The following HGSNAT variants were observed in gnomAD, a reference collection of about 807,000 sequenced individuals.
HGSNAT encodes transmembrane protein 76.
In HGSNAT, 59 loss-of-function variants were observed where a neutral mutation model predicts 85.2. The observed-to-expected ratio is 0.69, with a 90% CI of 0.56 to 0.86. The LOEUF is 0.86. HGSNAT is among the 40% of genes least tolerant of loss of function. The pLI, the probability that HGSNAT is intolerant of heterozygous loss-of-function variation, is 0.00. For synonymous variants in HGSNAT, 321 were observed against 304.5 expected (o/e 1.05, Z -0.56); for missense variants, 756 against 777.1 (o/e 0.97, Z 0.32).
At chr8:43,140,758 C>T (rs1003905984) in intron 1 of HGSNAT, 144 bp downstream of exon 1, 1 of 271,834 alleles carries the variant, frequency 3.7e-6, no homozygotes, top group Non-Finnish European at 6.4e-6. Context: ...GCTGCGACTT[C>T]GCGGTCCCGC....
intron 2 of HGSNAT, among the ~76,000 whole-genome samples, chr8:43,155,873 C>G (rs1586708864): frequency 6.6e-6 from 1 of 151,374 alleles, no homozygotes; most frequent in East Asian, 1.9e-4. Context: ...TGGAGTTGTG[C>G]TCTTTTTGCC....
At chr8:43,198,183 CGTT>C (rs1358100414) in intron 17 of HGSNAT, among the ~76,000 whole-genome samples, 1 of 151,230 alleles carries the variant, frequency 6.6e-6, no homozygotes, top group East Asian at 1.9e-4. Flanking sequence ...GTTGTGGAGT[CGTT>C]GTATGACAGT....
At chr8:43,185,360 G>A (rs1346187096) in intron 11 of HGSNAT, among the ~76,000 whole-genome samples, 1 of 152,138 alleles carries the variant, frequency 6.6e-6, no homozygotes, top group Non-Finnish European at 1.5e-5. Context: ...CACATCCCTT[G>A]TAAGTTGGAT....
chr8:43,196,975 G>T lies in HGSNAT; in HGVS notation c.1492G>T (p.Ala498Ser). Residue 498 changes from alanine (A) to serine (S), a missense_variant, in exon 15 of 18, where the codon GCT (alanine) becomes TCT (serine). Coordinates refer to ENST00000379644, the MANE Select transcript of HGSNAT (RefSeq NM_152419.3). Reference sequence around the variant, plus strand: ...AGGAAAAATACTATTGTATTACAAGGCTCGGACCAAAGACATCCTGATTCG... The same window carrying T: ...AGGAAAAATACTATTGTATTACAAGTCTCGGACCAAAGACATCCTGATTCG... ...QAGKILLYYK[A>S]RTKDILIRFT... 1 of 1,611,724 alleles carries T rather than the reference G, an allele frequency of 6.2e-7. No individual in the cohort carries two copies. The highest frequency in any genetic ancestry group is 1.1e-5 in the South Asian group (1 of 90,982).
chr8:43,159,124 C>T (rs1803189142), intron 4 of HGSNAT, 80 bp downstream of exon 4: 4 of 1,434,214 alleles, frequency 2.8e-6, no homozygotes, highest in Admixed American at 4.2e-5. Context: ...TAAAGCAAAG[C>T]AGTCCATGAC....
At chr8:43,140,675 G>A (rs1016960368) in intron 1 of HGSNAT, 61 bp downstream of exon 1, 18 of 849,908 alleles carry the variant, frequency 2.1e-5, no homozygotes, top group Non-Finnish European at 2.7e-5. Flanking sequence ...CCTCTCCGCG[G>A]CGCCGCCCCT....
chr8:43,182,391 G>C, intron 11 of HGSNAT, 131 bp downstream of exon 11: 1 of 781,906 alleles, frequency 1.3e-6, no homozygotes, highest in African/African-American at 1.7e-5. Flanking sequence ...TCCTGCCTTG[G>C]CCACCCAAAG....
intron 2 of HGSNAT, among the ~76,000 whole-genome samples, chr8:43,156,498 T>G (rs1211539000): frequency 6.6e-6 from 1 of 152,122 alleles, no homozygotes; most frequent in Non-Finnish European, 1.5e-5. Flanking sequence ...CATTGACTCA[T>G]TGGTTATTCA....
At chr8:43,171,208 G>T (rs766268036) in intron 7 of HGSNAT, among the ~76,000 whole-genome samples, 3 of 152,188 alleles carry the variant, frequency 2.0e-5, no homozygotes, top group Non-Finnish European at 4.4e-5. Context: ...ACTGTATAGC[G>T]AAGAATAAAT....
intron 11 of HGSNAT, among the ~76,000 whole-genome samples, chr8:43,187,658 G>A (rs780379029): frequency 2.3e-4 from 35 of 152,084 alleles, no homozygotes; most frequent in Non-Finnish European, 2.8e-4. Flanking sequence ...GGTTAATATC[G>A]TTATGTGTGA....
chr8:43,172,185 T>C, intron 7 of HGSNAT, 125 bp from the exon 8 acceptor site: 1 of 767,074 alleles, frequency 1.3e-6, no homozygotes, highest in Non-Finnish European at 2.4e-6. Context: ...TCTTGTGTAA[T>C]AAAATGCTCA....
intron 10 of HGSNAT, among the ~76,000 whole-genome samples, chr8:43,179,735 G>A (rs1321590034): frequency 2.5e-4 from 4 of 15,870 alleles, no homozygotes; most frequent in African/African-American, 6.0e-4. Flanking sequence ...TCCCTCCCGG[G>A]CGGGGCGGCT....
intron 9 of HGSNAT, among the ~76,000 whole-genome samples, chr8:43,176,197 T>G (rs928255750): frequency 2.0e-5 from 3 of 152,238 alleles, no homozygotes; most frequent in African/African-American, 7.2e-5. Context: ...GTTTAAGTCT[T>G]TAATCCATTT....
chr8:43,190,904 C>T (rs943196852), intron 11 of HGSNAT, among the ~76,000 whole-genome samples: 5 of 152,184 alleles, frequency 3.3e-5, no homozygotes, highest in African/African-American at 1.2e-4. Flanking sequence ...CCGCCAGTCA[C>T]TCCCCACATC....
rs1420816352 is a variant in HGSNAT at position 43,199,783 on chromosome 8, A to G, written c.*214A>G. On this transcript the variant is annotated 3_prime_UTR_variant, in exon 18 of 18. Coordinates refer to ENST00000379644, the MANE Select transcript of HGSNAT (RefSeq NM_152419.3). ...TTGTGACTTACAGATTTGAAATGTAATTGTCTTTTTTCCTCCATCTTCTGT... is the reference window on the plus strand; with the variant it reads ...TTGTGACTTACAGATTTGAAATGTAGTTGTCTTTTTTCCTCCATCTTCTGT... 2 of 378,264 alleles carry G rather than the reference A, an allele frequency of 5.3e-6. No homozygotes were observed. 23.4% of individuals were successfully genotyped at this position (378,264 alleles called of 1,614,324 possible).
intron 8 of HGSNAT, 67 bp from the exon 9 acceptor site, chr8:43,173,646 C>T: frequency 1.3e-6 from 2 of 1,528,682 alleles, no homozygotes; most frequent in South Asian, 1.2e-5. Context: ...TAATGAAGTC[C>T]ACACTAGATT....
At chr8:43,179,714 A>AC (rs1437851194) in intron 10 of HGSNAT, among the ~76,000 whole-genome samples, 1 of 4,136 alleles carries the variant, frequency 2.4e-4, no homozygotes, top group Non-Finnish European at 4.3e-4. Flanking sequence ...TGGGGGGATG[A>AC]CCCCCCCACC....
chr8:43,143,425 C>T (rs1213285898), intron 1 of HGSNAT, among the ~76,000 whole-genome samples: 2 of 152,208 alleles, frequency 1.3e-5, no homozygotes, highest in African/African-American at 4.8e-5. Flanking sequence ...CACAGTTAGA[C>T]TGACCTCAGC....
At chr8:43,183,277 C>G (rs902276465) in intron 11 of HGSNAT, among the ~76,000 whole-genome samples, 7 of 152,090 alleles carry the variant, frequency 4.6e-5, no homozygotes, top group Non-Finnish European at 1.0e-4. Context: ...AGCGATTCTC[C>G]TACCTCAGCC....
Sources: allele counts gnomAD v4.1 joint callset (sites outside exome capture counted in the v4.1 genomes callset), GRCh38; gene constraint gnomAD v4.1.1; transcripts MANE v1.5; gene names NCBI Gene and HGNC (gene_info 2026-07-23, HGNC 2026-07-21).